Variants in CLYBL observed in about 807,000 individuals in gnomAD.
CLYBL encodes the protein citramalyl-CoA lyase.
A neutral mutation model predicts 38.9 loss-of-function variants in CLYBL; 31 were observed. The observed-to-expected ratio is 0.80, with a 90% confidence interval of 0.60 to 1.08. The LOEUF (loss-of-function observed/expected upper bound fraction) is 1.08. Ranked by LOEUF, CLYBL falls within the 50% of genes least tolerant of loss-of-function variation. The pLI is 0.00. For missense variants in CLYBL, 434 were observed against 411.6 expected (o/e 1.05, Z -0.47); for synonymous variants, 171 against 158.6 (o/e 1.08, Z -0.59).
At chr13:99,625,130 G>A (rs530308925) in intron 1 of CLYBL, among the ~76,000 whole-genome samples, 70 of 152,292 alleles carry the variant, frequency 4.6e-4, no homozygotes, top group African/African-American at 1.6e-3. Context: ...TGTCTTGGGC[G>A]GAGTCCCCGA....
intron 2 of CLYBL, among the ~76,000 whole-genome samples, chr13:99,831,345 C>G (rs953569231): frequency 6.6e-6 from 1 of 152,134 alleles, no homozygotes; most frequent in Non-Finnish European, 1.5e-5. Context: ...TGCAAGGTCT[C>G]TTTTCCTAAT....
At chr13:99,809,749 G>A (rs2050304313) in intron 2 of CLYBL, among the ~76,000 whole-genome samples, 2 of 152,366 alleles carry the variant, frequency 1.3e-5, no homozygotes, top group Admixed American at 6.5e-5. Flanking sequence ...GCCTTCACTT[G>A]CTGCTCTCCT....
chr13:99,863,116 A>G (rs971932117), intron 4 of CLYBL, 24 bp downstream of exon 4: 1 of 1,251,052 alleles, frequency 8.0e-7, no homozygotes, highest in South Asian at 1.4e-5. Flanking sequence ...AATACGGTTA[A>G]TAAGTTAGCA....
chr13:99,905,457 A>G (rs1042279738), intron 9 of CLYBL, among the ~76,000 whole-genome samples: 1 of 152,146 alleles, frequency 6.6e-6, no homozygotes, highest in Non-Finnish European at 1.5e-5. Context: ...GGTGTCTTGA[A>G]GCCGCCCTAG....
intron 1 of CLYBL, among the ~76,000 whole-genome samples, chr13:99,696,671 A>C (rs551794357): frequency 7.2e-5 from 11 of 151,824 alleles, no homozygotes; most frequent in African/African-American, 2.4e-4. Context: ...GAGGCTGGGC[A>C]TGGTAGCTTG....
intron 1 of CLYBL, among the ~76,000 whole-genome samples, chr13:99,693,051 A>T (rs2047931020): frequency 6.6e-6 from 1 of 152,128 alleles, no homozygotes; most frequent in Non-Finnish European, 1.5e-5. Context: ...TTTTGGTTGG[A>T]CATACGTTTT....
At chr13:99,772,398 A>G (rs946437634) in intron 1 of CLYBL, among the ~76,000 whole-genome samples, 2 of 152,148 alleles carry the variant, frequency 1.3e-5, no homozygotes, top group African/African-American at 4.8e-5. Flanking sequence ...TTCTACCATA[A>G]TTTTAAAAGA....
chr13:99,887,607 G>T (rs1196135074), intron 7 of CLYBL, among the ~76,000 whole-genome samples: 1 of 152,152 alleles, frequency 6.6e-6, no homozygotes, highest in Non-Finnish European at 1.5e-5. Context: ...TAAAAAATTA[G>T]CTGGGCATGG....
intron 1 of CLYBL, among the ~76,000 whole-genome samples, chr13:99,717,795 A>G (rs1194741718): frequency 6.6e-6 from 1 of 152,074 alleles, no homozygotes; most frequent in African/African-American, 2.4e-5. Flanking sequence ...GGCTTTTGTT[A>G]AAACTTGTTA....
chr13:99,825,962 A>G lies in CLYBL; in HGVS notation c.250-32899A>G, dbSNP rs565689168. 5.3e-5 allele frequency among the ~76,000 whole-genome samples: 8 copies of G among 152,316 alleles called. No individual in the cohort carries two copies. In the South Asian group the frequency reaches 1.7e-3, roughly 32 times the overall value. On this transcript the variant is annotated intron_variant, in intron 2 of 8. Coordinates refer to ENST00000339105, the MANE Select transcript of CLYBL (RefSeq NM_206808.5). Reference sequence around the variant, plus strand: ...CACCCCACTGGACAAAGGGCTACAGATCTGCCAGTATATCGTAACTCACAT... The same window carrying G: ...CACCCCACTGGACAAAGGGCTACAGGTCTGCCAGTATATCGTAACTCACAT...
chr13:99,657,373 G>A (rs1014309225), intron 1 of CLYBL, among the ~76,000 whole-genome samples: 28 of 152,154 alleles, frequency 1.8e-4, no homozygotes, highest in African/African-American at 6.8e-4. Context: ...CAAAACTAGT[G>A]GAAAATACAA....
At chr13:99,794,807 A>G (rs568263382) in intron 2 of CLYBL, among the ~76,000 whole-genome samples, 28 of 152,006 alleles carry the variant, frequency 1.8e-4, no homozygotes, top group African/African-American at 6.5e-4. Context: ...GGCCAGGCTG[A>G]TCTAGAACTC....
intron 1 of CLYBL, among the ~76,000 whole-genome samples, chr13:99,679,436 C>T (rs2047701413): frequency 2.0e-5 from 3 of 152,016 alleles, no homozygotes; most frequent in South Asian, 2.1e-4. Flanking sequence ...TCTTAATGTC[C>T]CAGAACTCCT....
chr13:99,811,272 G>A (rs1268377754), intron 2 of CLYBL, among the ~76,000 whole-genome samples: 1 of 152,192 alleles, frequency 6.6e-6, no homozygotes. Flanking sequence ...AGGTAAGCAG[G>A]CTCTCCCTAG....
chr13:99,888,476 G>A (rs978927463), intron 7 of CLYBL, among the ~76,000 whole-genome samples: 4 of 152,074 alleles, frequency 2.6e-5, no homozygotes, highest in African/African-American at 9.7e-5. Flanking sequence ...GAGGCCATGC[G>A]CAGTGGCTCA....
intron 1 of CLYBL, among the ~76,000 whole-genome samples, chr13:99,664,521 C>T (rs1364308219): frequency 6.6e-6 from 1 of 152,078 alleles, no homozygotes; most frequent in Non-Finnish European, 1.5e-5. Flanking sequence ...CTAAAGATAC[C>T]TTTGCGTAGT....
In CLYBL at chr13:99,632,676, C is replaced by T. The variant is rs569766959; in HGVS notation, c.62+25919C>T. ...AAGAGAATCCCTTGAACCTGGGAGG[C>T]GGAGGTTGCAGTGAGCCGAGATTGT... On this transcript the variant is annotated intron_variant, in intron 1 of 8. Coordinates refer to ENST00000339105, the MANE Select transcript of CLYBL (RefSeq NM_206808.5). Among the ~76,000 whole-genome samples the T allele has an allele frequency of 4.7e-4, 71 of 151,926 alleles. 1 individual carries two copies. In the South Asian group the frequency reaches 0.011, roughly 24 times the overall value.
At chr13:99,843,521 T>C (rs1476633280) in intron 2 of CLYBL, among the ~76,000 whole-genome samples, 1 of 152,114 alleles carries the variant, frequency 6.6e-6, no homozygotes, top group Non-Finnish European at 1.5e-5. Flanking sequence ...CCTAAAATGG[T>C]AGCTGACACA....
At chr13:99,799,028 G>A (rs1042673858) in intron 2 of CLYBL, among the ~76,000 whole-genome samples, 2 of 152,168 alleles carry the variant, frequency 1.3e-5, no homozygotes, top group African/African-American at 4.8e-5. Context: ...GATATTACAT[G>A]CTTTTCTCAA....
Sources: gnomAD v4.1 joint callset for allele counts (sites outside exome capture counted in the v4.1 genomes callset) on GRCh38, gnomAD v4.1.1 for gene constraint, MANE v1.5 for transcripts, NCBI Gene and HGNC (gene_info 2026-07-23, HGNC 2026-07-21) for gene names.